The following POLD3 variants were observed in gnomAD, a reference collection of about 807,000 sequenced individuals.
The protein encoded by POLD3 is DNA polymerase delta subunit 3.
A neutral mutation model predicts 58.2 loss-of-function variants in POLD3; 19 were observed. The ratio of observed to expected loss-of-function variants is 0.33; its 90% CI spans 0.23 to 0.48. POLD3 has a LOEUF of 0.48. Ranked by LOEUF, POLD3 falls within the 20% of genes least tolerant of loss-of-function variation. POLD3 has a pLI of 0.99. For missense variants in POLD3, 504 were observed against 545.5 expected, an observed-to-expected ratio of 0.92 and a Z score of 0.76; for synonymous variants, 172 against 193.5, an observed-to-expected ratio of 0.89 and a Z score of 0.92.
chr11:74,645,284 G>A (rs532729053), downstream of POLD3, among the ~76,000 whole-genome samples: 10 of 152,274 alleles, frequency 6.6e-5, no homozygotes, highest in South Asian at 1.0e-3. Context: ...GTACATTCAC[G>A]GTGTAAGTAA....
chr11:74,596,633 T>G (rs559046936), intron 2 of POLD3, among the ~76,000 whole-genome samples: 1 of 150,256 alleles, frequency 6.7e-6, no homozygotes, highest in Non-Finnish European at 1.5e-5. Context: ...ACATTTAATG[T>G]CTACCATCTT....
Position 74,592,622 on chromosome 11 carries a change from G to T in POLD3, c.-37G>T. The stretch of plus-strand genomic sequence containing the variant: ...CGGCGGGAGCTGTGGCTGTGATTGA[G>T]AGAGGGGTTAGAGGCGGGTCCCAGC... On this transcript the variant is annotated 5_prime_UTR_variant, in exon 1 of 12. Coordinates refer to ENST00000263681, the MANE Select transcript of POLD3 (RefSeq NM_006591.3). The T allele has an allele frequency of 6.2e-7, 1 of 1,612,274 alleles. No individual in the cohort carries two copies. The highest frequency in any genetic ancestry group is 8.5e-7 in the Non-Finnish European group (1 of 1,179,198).
At chr11:74,619,223 T>C (rs960950576) in intron 6 of POLD3, among the ~76,000 whole-genome samples, 1 of 152,222 alleles carries the variant, frequency 6.6e-6, no homozygotes, top group African/African-American at 2.4e-5. Context: ...TTTATGCAGG[T>C]TTTTTTGTTT....
At chr11:74,596,457 A>G (rs955470940) in intron 2 of POLD3, among the ~76,000 whole-genome samples, 4 of 152,178 alleles carry the variant, frequency 2.6e-5, no homozygotes, top group African/African-American at 9.7e-5. Flanking sequence ...AAGTGCTGGG[A>G]TTACAGATGT....
intron 4 of POLD3, among the ~76,000 whole-genome samples, chr11:74,649,774 G>A (rs187312727): frequency 6.6e-6 from 1 of 152,304 alleles, no homozygotes; most frequent in East Asian, 1.9e-4. Flanking sequence ...TTGGGAGACC[G>A]AGGCAGGTAG....
chr11:74,604,790 A>T lies in POLD3; in HGVS notation c.215A>T (p.His72Leu). 1 of 1,548,180 alleles carries T rather than the reference A, an allele frequency of 6.5e-7. No individual in the cohort carries two copies. The highest frequency in any genetic ancestry group is 8.9e-7 in the Non-Finnish European group (1 of 1,119,772). Residue 72 changes from histidine to leucine, a missense_variant, in exon 3 of 12, where the codon CAT becomes CTT. Transcript: ENST00000263681. Reference sequence around the variant, plus strand: ...TCTGGCAGTCTCATTCAGAATGGACATTCCGTAAGTTCTCAGAGCCTTGTA... The same window carrying T: ...TCTGGCAGTCTCATTCAGAATGGACTTTCCGTAAGTTCTCAGAGCCTTGTA... ...LVSGSLIQNG[H>L]SCHKVAVVRE...
intron 4 of POLD3, among the ~76,000 whole-genome samples, chr11:74,648,495 G>A (rs1003661381): frequency 6.6e-6 from 1 of 152,198 alleles, no homozygotes; most frequent in Non-Finnish European, 1.5e-5. Context: ...ATTAAGGGAA[G>A]ATTCACAGAG....
chr11:74,604,159 T>C (rs2031595300), intron 2 of POLD3, among the ~76,000 whole-genome samples: 1 of 152,160 alleles, frequency 6.6e-6, no homozygotes, highest in African/African-American at 2.4e-5. Flanking sequence ...AATTCACTCT[T>C]CAGAATCCAT....
chr11:74,656,038 G>T (rs1158971097), intron 4 of POLD3, among the ~76,000 whole-genome samples: 2 of 152,114 alleles, frequency 1.3e-5, no homozygotes, highest in African/African-American at 2.4e-5. Context: ...TCAGCAATTA[G>T]TAATTGTAAA....
chr11:74,654,486 G>C (rs2033108421), intron 4 of POLD3, among the ~76,000 whole-genome samples: 1 of 152,158 alleles, frequency 6.6e-6, no homozygotes, highest in Admixed American at 6.5e-5. Context: ...AGGACTTCTG[G>C]AATGACAGAG....
chr11:74,617,804 G>A (rs2032125272), intron 5 of POLD3, among the ~76,000 whole-genome samples: 1 of 152,016 alleles, frequency 6.6e-6, no homozygotes, highest in Non-Finnish European at 1.5e-5. Context: ...CTGCAGCCTT[G>A]ACCTCCTGGA....
chr11:74,616,146 C>T (rs572272455), intron 5 of POLD3, among the ~76,000 whole-genome samples: 87 of 152,118 alleles, frequency 5.7e-4, no homozygotes, highest in South Asian at 1.5e-3. Flanking sequence ...ATAAAAGTGA[C>T]GCAAAAGTTC....
intron 10 of POLD3, 25 bp downstream of exon 10, chr11:74,634,720 A>G (rs370492556): frequency 1.2e-5 from 15 of 1,252,206 alleles, no homozygotes; most frequent in Middle Eastern, 3.7e-4. Flanking sequence ...GGATTCTTGC[A>G]TGTCCATGCA....
rs535660606 is a variant in POLD3 at position 74,654,515 on chromosome 11, C to G, written c.370-14262C>G. ...GACAGAGTAAGAAGCTCAGAAAATC[C>G]TCTTTAAAAAGAAATTGTCAAAAAC... is the stretch of plus-strand genomic sequence containing the variant. On this transcript the variant is annotated intron_variant, in intron 4 of 4. Transcript: ENST00000524752. 2.0e-4 allele frequency among the ~76,000 whole-genome samples: 30 copies of G among 152,258 alleles called. No individual in the cohort carries two copies. In the South Asian group the frequency reaches 6.2e-3, roughly 32 times the overall value.
At chr11:74,607,986 C>T (rs1403665608) in intron 3 of POLD3, among the ~76,000 whole-genome samples, 1 of 152,144 alleles carries the variant, frequency 6.6e-6, no homozygotes, top group Non-Finnish European at 1.5e-5. Context: ...AAGCTTCCTT[C>T]AAATCTCATC....
chr11:74,662,446 C>T lies in POLD3; in HGVS notation c.370-6331C>T, dbSNP rs148880856. ...CCTTCTCTTCAAGGGAATAGGTTTT[C>T]TTCTGGACCAGGGTGTGTCTAGAAA... On this transcript the variant is annotated intron_variant, in intron 4 of 4. Coordinates refer to the POLD3 transcript ENST00000524752. Among the ~76,000 whole-genome samples, 720 of 152,176 alleles carry T rather than the reference C, an allele frequency of 4.7e-3. 6 individuals carry two copies. Among genetic ancestry groups the T allele is most frequent in the African/African-American group, 0.017 (687 of 41,538 alleles).
chr11:74,613,825 G>A (rs115989794), intron 5 of POLD3, among the ~76,000 whole-genome samples: 27 of 152,360 alleles, frequency 1.8e-4, no homozygotes, highest in African/African-American at 6.5e-4. Flanking sequence ...TTATGGTACA[G>A]TGTAAGAGTA....
At chr11:74,614,881 T>G (rs2032035989) in intron 5 of POLD3, among the ~76,000 whole-genome samples, 1 of 151,936 alleles carries the variant, frequency 6.6e-6, no homozygotes, top group African/African-American at 2.4e-5. Context: ...TTAGGAGAGA[T>G]AGAAAAATGA....
rs185345303 is a variant in POLD3 at position 74,666,611 on chromosome 11, A to G, written c.370-2166A>G. 2.7e-3 allele frequency among the ~76,000 whole-genome samples: 409 copies of G among 152,344 alleles called. 1 individual carries two copies. The highest frequency in any genetic ancestry group is 8.1e-3 in the South Asian group (39 of 4,830). On this transcript the variant is annotated intron_variant, in intron 4 of 4. Coordinates refer to the POLD3 transcript ENST00000524752. ...ATAAATGGAAACACTTCATGTGCTC[A>G]TGAATCAAAAGACTTAGTAGTATTC...
Sources: gnomAD v4.1 joint callset for allele counts (sites outside exome capture counted in the v4.1 genomes callset) on GRCh38, gnomAD v4.1.1 for gene constraint, MANE v1.5 for transcripts, NCBI Gene and HGNC (gene_info 2026-07-23, HGNC 2026-07-21) for gene names.